The following NAALADL2 variants were observed in gnomAD, a reference collection of about 807,000 sequenced individuals.
NAALADL2 encodes inactive N-acetylated-alpha-linked acidic dipeptidase-like protein 2.
A neutral mutation model predicts 87.2 loss-of-function variants in NAALADL2; 76 were observed. The observed-to-expected ratio is 0.87, with a 90% CI of 0.72 to 1.05. NAALADL2 has a LOEUF of 1.05. NAALADL2 is among the 50% of genes least tolerant of loss of function. The pLI, the probability that NAALADL2 is intolerant of heterozygous loss-of-function variation, is 0.00. For missense variants in NAALADL2, 1,089 were observed against 945.8 expected (o/e 1.15, Z -1.99); for synonymous variants, 354 against 331.0 (o/e 1.07, Z -0.75).
chr3:175,280,454 A>G lies in NAALADL2; in HGVS notation c.939+23924A>G, dbSNP rs531004715. ...GTTTGTGATTAACCTCCTCAACTAC[A>G]TTATACATTCGTAGTAAACTGTGTT... On this transcript the variant is annotated intron_variant, in intron 4 of 13. Coordinates refer to ENST00000454872, the MANE Select transcript of NAALADL2 (RefSeq NM_207015.3). Among the ~76,000 whole-genome samples the G allele has an allele frequency of 2.0e-4, 30 of 152,256 alleles. 3 individuals are homozygous for G. In the South Asian group the frequency reaches 6.2e-3, roughly 32 times the overall value.
intron 3 of NAALADL2, among the ~76,000 whole-genome samples, chr3:174,826,975 CTT>C (rs1722068786): frequency 1.3e-5 from 2 of 152,112 alleles, no homozygotes; most frequent in African/African-American, 4.8e-5. Context: ...TAAAAGCACT[CTT>C]ATTATAACTA....
chr3:175,330,323 G>A (rs987803106), intron 5 of NAALADL2, among the ~76,000 whole-genome samples: 2 of 152,122 alleles, frequency 1.3e-5, no homozygotes, highest in South Asian at 4.2e-4. Context: ...AGATGCCTTT[G>A]GTCCCAGCTA....
At chr3:175,793,366 T>C (rs1406080211) in intron 13 of NAALADL2, among the ~76,000 whole-genome samples, 1 of 149,548 alleles carries the variant, frequency 6.7e-6, no homozygotes, top group Non-Finnish European at 1.5e-5. Flanking sequence ...TGGAGTGTAG[T>C]GGGCACGATC....
chr3:175,511,098 A>G (rs923141672), intron 9 of NAALADL2, among the ~76,000 whole-genome samples: 1 of 152,198 alleles, frequency 6.6e-6, no homozygotes, highest in African/African-American at 2.4e-5. Flanking sequence ...AGATGATAGT[A>G]AGATAGTAAA....
intron 2 of NAALADL2, among the ~76,000 whole-genome samples, chr3:174,594,630 G>A (rs947614680): frequency 4.6e-5 from 7 of 152,168 alleles, no homozygotes; most frequent in Admixed American, 3.3e-4. Flanking sequence ...GGCCTGGAGG[G>A]ACTGTGATAT....
intron 4 of NAALADL2, among the ~76,000 whole-genome samples, chr3:175,294,467 G>T: frequency 6.6e-6 from 1 of 152,090 alleles, no homozygotes; most frequent in East Asian, 1.9e-4. Context: ...AATTTACAGT[G>T]TCCTAAATAT....
intron 2 of NAALADL2, among the ~76,000 whole-genome samples, chr3:175,155,516 C>T (rs1041359664): frequency 6.6e-6 from 1 of 152,040 alleles, no homozygotes; most frequent in Non-Finnish European, 1.5e-5. Flanking sequence ...TAATGGCAAT[C>T]TTTATGTTGG....
intron 9 of NAALADL2, among the ~76,000 whole-genome samples, chr3:175,474,063 T>C (rs1440184242): frequency 6.6e-6 from 1 of 152,136 alleles, no homozygotes; most frequent in Non-Finnish European, 1.5e-5. Flanking sequence ...TCTATGCCAA[T>C]ATCTGTTTTT....
Position 175,755,433 on chromosome 3 carries a change from T to C in NAALADL2, c.2189+15T>C. The C allele has an allele frequency of 1.3e-6, 2 of 1,542,368 alleles. No individual in the cohort carries two copies. Among genetic ancestry groups the C allele is most frequent in the Non-Finnish European group, 1.8e-6 (2 of 1,141,898 alleles). On this transcript the variant is annotated intron_variant, in intron 13 of 13. Transcript: ENST00000454872. ...GGTTTTTATAGGTAGGATGCATGTCTCAAAAATTATACTTTTTGCCCTACA... is the reference window on the plus strand; with the variant it reads ...GGTTTTTATAGGTAGGATGCATGTCCCAAAAATTATACTTTTTGCCCTACA...
rs563361648 is a variant in NAALADL2, at chr3:175,624,280, T to A, written c.1801-3011T>A. 9.7e-4 allele frequency among the ~76,000 whole-genome samples: 148 copies of A among 152,170 alleles called. 1 individual carries two copies. The highest frequency in any genetic ancestry group is 3.2e-3 in the African/African-American group (133 of 41,552). On this transcript the variant is annotated intron_variant, in intron 10 of 13. Transcript: ENST00000454872. ...TCAACTTATTAATACAACCAAACTT[T>A]CCAGAGTTCCTCCTCATTTTCCTGA...
rs554706368 is a variant in NAALADL2, at chr3:175,786,784, C to T, written c.2190-16221C>T. On this transcript the variant is annotated intron_variant, in intron 13 of 13. Transcript: ENST00000454872. ...GGAGGAGGAGGAGGAGGAGGAGAGG[C>T]GCTCTGCGTTTTAGAGTTTCCAGTT... 5.9e-5 allele frequency among the ~76,000 whole-genome samples: 9 copies of T among 151,826 alleles called. No homozygotes were observed. In the South Asian group the frequency reaches 6.2e-4, roughly 10 times the overall value.
intron 2 of NAALADL2, among the ~76,000 whole-genome samples, chr3:174,622,778 C>G (rs34322420): frequency 0.37 from 56,553 of 151,898 alleles, 11,884 homozygotes; most frequent in Middle Eastern, 0.52. Flanking sequence ...CGGTGGCTCA[C>G]GCCTGTAATC....
intron 4 of NAALADL2, among the ~76,000 whole-genome samples, chr3:175,296,339 A>C (rs2110184646): frequency 6.6e-6 from 1 of 152,256 alleles, no homozygotes; most frequent in African/African-American, 2.4e-5. Flanking sequence ...TCCCGTATGA[A>C]ATTCTGCATT....
chr3:175,539,776 G>T (rs1711980128), intron 9 of NAALADL2, among the ~76,000 whole-genome samples: 1 of 152,158 alleles, frequency 6.6e-6, no homozygotes, highest in Non-Finnish European at 1.5e-5. Flanking sequence ...GTAAAGTGAG[G>T]AATGGTTGGC....
chr3:175,084,799 A>G (rs1298951790), intron 1 of NAALADL2, among the ~76,000 whole-genome samples: 1 of 152,210 alleles, frequency 6.6e-6, no homozygotes, highest in African/African-American at 2.4e-5. Flanking sequence ...AAAATGAAAA[A>G]GTCAATTGAG....
Position 175,204,717 on chromosome 3 carries a change from C to T in NAALADL2, c.546-29214C>T, listed in dbSNP as rs544706917. Among the ~76,000 whole-genome samples the T allele has an allele frequency of 3.3e-5, 5 of 152,170 alleles. No homozygotes were observed. In the East Asian group the frequency reaches 9.7e-4, roughly 29 times the overall value. On this transcript the variant is annotated intron_variant, in intron 2 of 13. Transcript: ENST00000454872. ...ACCCCAAGAACTTCTCCAGAAAGCT[C>T]CTAGAACTGATATAAGAATTCAGCA...
intron 5 of NAALADL2, among the ~76,000 whole-genome samples, chr3:175,430,630 C>A (rs1002918252): frequency 6.6e-6 from 1 of 151,986 alleles, no homozygotes; most frequent in African/African-American, 2.4e-5. Flanking sequence ...CTGAATAAGT[C>A]TAACTTTGTG....
intron 1 of NAALADL2, among the ~76,000 whole-genome samples, chr3:174,491,184 T>A (rs1718170663): frequency 6.6e-6 from 1 of 152,150 alleles, no homozygotes; most frequent in African/African-American, 2.4e-5. Flanking sequence ...CACCATGACC[T>A]GTATTAATAT....
intron 1 of NAALADL2, among the ~76,000 whole-genome samples, chr3:174,983,068 G>C (rs188366154): frequency 0.01 from 1,552 of 152,274 alleles, 16 homozygotes; most frequent in African/African-American, 0.034. Flanking sequence ...AAAGTGCTGG[G>C]ATTACAGGCG....
Sources: gnomAD v4.1 joint callset for allele counts (sites outside exome capture counted in the v4.1 genomes callset) on GRCh38, gnomAD v4.1.1 for gene constraint, MANE v1.5 for transcripts, NCBI Gene and HGNC (gene_info 2026-07-23, HGNC 2026-07-21) for gene names.